The following SREBF2 variants were observed in gnomAD, a reference collection of about 807,000 sequenced individuals.
SREBF2 encodes sterol regulatory element-binding protein 2.
In SREBF2, 55 loss-of-function variants were observed where a neutral mutation model predicts 113.1. That is an observed-to-expected ratio of 0.49 (90% CI 0.39 to 0.61). The LOEUF (loss-of-function observed/expected upper bound fraction) is 0.61. Ranked by LOEUF, SREBF2 falls within the 20% of genes least tolerant of loss-of-function variation. The pLI, the probability that SREBF2 is intolerant of heterozygous loss-of-function variation, is 0.00. For synonymous variants in SREBF2, 593 were observed against 605.7 expected (o/e 0.98, Z 0.31); for missense variants, 1,349 against 1,487.4 (o/e 0.91, Z 1.53).
intron 1 of SREBF2, among the ~76,000 whole-genome samples, chr22:41,856,877 C>T (rs1285719306): frequency 1.3e-5 from 2 of 152,012 alleles, no homozygotes; most frequent in South Asian, 2.1e-4. Context: ...GAGTTCAAGA[C>T]CAGCCTGGCC....
chr22:41,833,574 G>A lies in SREBF2; in HGVS notation c.88+216G>A, dbSNP rs2076736646. ...TCCGGGAGGCCGTGGGATCTGGGGC[G>A]CCGCGGGGCCGAAAGCGGCGCGAGG... On this transcript the variant is annotated intron_variant, in intron 1 of 18. Coordinates refer to ENST00000361204, the MANE Select transcript of SREBF2 (RefSeq NM_004599.4). The surrounding 1 kb of genome is among the most constrained non-coding windows in gnomAD (Gnocchi z 4.1). 1 of 434,960 alleles carries A rather than the reference G, an allele frequency of 2.3e-6. No homozygotes were observed. The highest frequency in any genetic ancestry group is 4.0e-6 in the Non-Finnish European group (1 of 250,578). 26.9% of individuals were successfully genotyped at this position (434,960 alleles called of 1,614,324 possible). A position where few individuals can be genotyped will look rare whatever the true frequency, so the allele number is the denominator to read the frequency against.
intron 3 of SREBF2, among the ~76,000 whole-genome samples, chr22:41,869,253 T>C (rs2077116145): frequency 6.6e-6 from 1 of 151,728 alleles, no homozygotes; most frequent in South Asian, 2.1e-4. Context: ...TACAGGCATG[T>C]GCCACCACAC....
At chr22:41,858,487 T>A (rs1346966843) in intron 1 of SREBF2, among the ~76,000 whole-genome samples, 1 of 151,752 alleles carries the variant, frequency 6.6e-6, no homozygotes. Context: ...GCATGTTGGC[T>A]CATGCTTGTA....
At chr22:41,864,979 G>A (rs925547262) in intron 1 of SREBF2, among the ~76,000 whole-genome samples, 2 of 151,880 alleles carry the variant, frequency 1.3e-5, no homozygotes, top group African/African-American at 4.8e-5. Context: ...GAGTCTCGCT[G>A]TGTTGCCCAG....
At position 41,895,431 on chromosome 22, in the gene SREBF2, C is replaced by CTTT. The variant is rs35810171; in HGVS notation, c.2495+513_2495+515dup. ...CAGGCGTGAGCCACCATGCCCAGGC[C>CTTT]TTTTTTTTTTTTTTTTTTTTTGAGA... On this transcript the variant is annotated intron_variant, in intron 13 of 18. Coordinates refer to ENST00000361204, the MANE Select transcript of SREBF2 (RefSeq NM_004599.4). 2.8e-3 allele frequency among the ~76,000 whole-genome samples: 297 copies of CTTT among 106,200 alleles called. 4 individuals carry two copies. The highest frequency in any genetic ancestry group is 0.01 in the African/African-American group (263 of 26,270). 69.7% of individuals were successfully genotyped at this position (106,200 alleles called of 152,430 possible).
At chr22:41,889,285 C>T (rs2077332461) in intron 11 of SREBF2, among the ~76,000 whole-genome samples, 1 of 152,048 alleles carries the variant, frequency 6.6e-6, no homozygotes, top group Non-Finnish European at 1.5e-5. Context: ...CACCACCACA[C>T]CGAGCTTATT....
In SREBF2 at chr22:41,897,139, C is replaced by G. The variant is rs2077423806; in HGVS notation, c.2583C>G (p.Ser861Arg). The G allele has an allele frequency of 6.2e-7, 1 of 1,611,766 alleles. No individual in the cohort carries two copies. The highest frequency in any genetic ancestry group is 8.5e-7 in the Non-Finnish European group (1 of 1,179,672). The change falls in exon 14 of 19, where the codon AGC (serine) becomes AGG (arginine). Residue 861 changes from serine to arginine, a missense_variant. By Grantham distance (110) the Ser-to-Arg change is moderately radical. Around this residue, in one of 2 missense-constraint regions of SREBF2, gnomAD observed 650 missense variants for 644.1 expected, o/e 1.01. Coordinates refer to ENST00000361204, the MANE Select transcript of SREBF2 (RefSeq NM_004599.4). ...TTATGAGCCCCCCACTCTCCAGGAGCTCCGTGCTCAAGTCCGCCCTGGGTA... is the reference window on the plus strand; with the variant it reads ...TTATGAGCCCCCCACTCTCCAGGAGGTCCGTGCTCAAGTCCGCCCTGGGTA... ...VGVMSPPLSR[S>R]SVLKSALGPD...
At chr22:41,904,582 C>A (rs892086050) in intron 17 of SREBF2, 5 of 619,690 alleles carry the variant, frequency 8.1e-6, no homozygotes, top group Non-Finnish European at 1.6e-5. Flanking sequence ...TGTCTACCAG[C>A]CCCACGAGGT....
At chr22:41,850,931 G>A (rs2148352950) in intron 1 of SREBF2, among the ~76,000 whole-genome samples, 1 of 152,166 alleles carries the variant, frequency 6.6e-6, no homozygotes, top group Non-Finnish European at 1.5e-5. Flanking sequence ...GGTAGAGATG[G>A]GGTTTCACCA....
chr22:41,880,967 C>G lies in SREBF2; in HGVS notation c.2013C>G (p.His671Gln), dbSNP rs376841226. 3.7e-6 allele frequency: 6 copies of G among 1,609,320 alleles called. No individual in the cohort carries two copies. Among genetic ancestry groups the G allele is most frequent in the Non-Finnish European group, 5.1e-6 (6 of 1,179,958 alleles). The change falls in exon 10 of 19, where the codon CAC (histidine) becomes CAG (glutamine). Residue 671 changes from histidine to glutamine, a missense_variant. By Grantham distance (24) the His-to-Gln change is conservative (BLOSUM62 0). Coordinates refer to ENST00000361204, the MANE Select transcript of SREBF2 (RefSeq NM_004599.4). The part of the protein sequence containing the change: ...TSARDAALAY[H>Q]RLHQLHITGK... ...CCCGGGATGCGGCTCTGGCCTATCA[C>G]CGGCTGCACCAGCTGCACATCACAG...
chr22:41,897,298 C>T (rs1850527687), intron 14 of SREBF2, 137 bp downstream of exon 14: 2 of 597,692 alleles, frequency 3.3e-6, no homozygotes, highest in South Asian at 4.0e-5. Context: ...CCTGTGGCTC[C>T]AGTTCACAGT....
chr22:41,877,160 A>G (rs1047878427), intron 7 of SREBF2, 69 bp from the exon 8 acceptor site: 4 of 1,416,062 alleles, frequency 2.8e-6, no homozygotes, highest in African/African-American at 2.9e-5. Context: ...CAATATATAT[A>G]TATGTATTTA....
At chr22:41,871,216 G>A (rs1422062934) in intron 4 of SREBF2, among the ~76,000 whole-genome samples, 181 bp downstream of exon 4, 1 of 152,196 alleles carries the variant, frequency 6.6e-6, no homozygotes, top group African/African-American at 2.4e-5. Context: ...TTAGCAATGT[G>A]TGTTCGATGT....
intron 1 of SREBF2, among the ~76,000 whole-genome samples, chr22:41,853,712 G>T (rs969921576): frequency 1.3e-4 from 20 of 152,142 alleles, no homozygotes; most frequent in Admixed American, 9.2e-4. Flanking sequence ...TCCATTATGA[G>T]GTGAAACATC....
At chr22:41,900,256 T>A (rs954367906) in intron 15 of SREBF2, 74 bp from the exon 16 acceptor site, 1 of 1,586,178 alleles carries the variant, frequency 6.3e-7, no homozygotes, top group African/African-American at 1.3e-5. Flanking sequence ...TGGCAGTCAC[T>A]GGCTTGGGCC....
intron 1 of SREBF2, among the ~76,000 whole-genome samples, chr22:41,849,842 GAA>G: frequency 6.6e-6 from 1 of 152,188 alleles, no homozygotes; most frequent in Admixed American, 6.5e-5. Context: ...AATGAACATT[GAA>G]AGTAATAAGA....
rs534115086 is a variant in SREBF2 at position 41,870,696 on chromosome 22, G to A, written c.721-193G>A. Among the ~76,000 whole-genome samples, 7 of 149,692 alleles carry A rather than the reference G, an allele frequency of 4.7e-5. No individual in the cohort carries two copies. The East Asian group carries it at 7.8e-4, about 17-fold the overall frequency. ...AGCCCCTCTTTCTCCACCTGAACCC[G>A]GTATTCAGGCTGTACAAAATAGCCG... On this transcript the variant is annotated intron_variant, in intron 3 of 18. Transcript: ENST00000361204.
rs140025394 is a variant in SREBF2, at chr22:41,898,397, C to T, written c.2606-252C>T. Among the ~76,000 whole-genome samples the T allele has an allele frequency of 2.9e-3, 438 of 152,346 alleles. 1 individual carries two copies. The highest frequency in any genetic ancestry group is 9.1e-3 in the African/African-American group (377 of 41,580). ...CCTCCCAAAATGCTGGGATTACAGG[C>T]GTGAGCCACCGCGGCCAACCAGGAA... On this transcript the variant is annotated intron_variant, in intron 14 of 18. Transcript: ENST00000361204.
At chr22:41,859,303 G>A (rs2077004442) in intron 1 of SREBF2, among the ~76,000 whole-genome samples, 2 of 152,158 alleles carry the variant, frequency 1.3e-5, no homozygotes, top group Non-Finnish European at 2.9e-5. Flanking sequence ...AGGAAGTGGT[G>A]GAAGGAGGGC....
Sources: allele counts gnomAD v4.1 joint callset (sites outside exome capture counted in the v4.1 genomes callset), GRCh38; gene constraint gnomAD v4.1.1; regional missense constraint gnomAD v4.1.1; non-coding constraint Gnocchi (gnomAD v3.1); transcripts MANE v1.5; gene names NCBI Gene and HGNC (gene_info 2026-07-23, HGNC 2026-07-21).